PIK3R4: variants seen among roughly 807,000 people sequenced by gnomAD.
PIK3R4 encodes the protein phosphoinositide 3-kinase regulatory subunit 4.
In PIK3R4, 46 loss-of-function variants were observed where a neutral mutation model predicts 136.5. The observed-to-expected ratio is 0.34, with a 90% CI of 0.27 to 0.43. The LOEUF is 0.43. Among genes scored for constraint, PIK3R4 ranks in the 20% least tolerant of loss-of-function variants. The pLI, the probability that PIK3R4 is intolerant of heterozygous loss-of-function variation, is 1.00. For synonymous variants in PIK3R4, 557 were observed against 566.7 expected (o/e 0.98, Z 0.24); for missense variants, 1,331 against 1,649.5 (o/e 0.81, Z 3.35).
At position 130,733,562 on chromosome 3, in the gene PIK3R4, C is replaced by T; in HGVS notation, c.1436G>A (p.Arg479Lys). Residue 479 changes from arginine (R) to lysine (K), a missense_variant, in exon 4 of 20, where the codon AGA (arginine) becomes AAA (lysine). Physicochemically the swap from Arg to Lys is conservative, Grantham distance 26. Transcript: ENST00000356763. The part of the protein sequence containing the change: ...HLAQDDATIV[R>K]LAYAENIALL... The stretch of plus-strand genomic sequence containing the variant: ...TAAACTCTTACCAGCATAGGCTAGT[C>T]TAACGATAGTAGCATCATCTTGGGC... 6.2e-7 allele frequency: 1 copy of T among 1,610,400 alleles called. No individual in the cohort carries two copies. Among genetic ancestry groups the T allele is most frequent in the Non-Finnish European group, 8.5e-7 (1 of 1,176,628 alleles).
intron 13 of PIK3R4, among the ~76,000 whole-genome samples, chr3:130,702,325 CA>C (rs903013413): frequency 2.1e-4 from 32 of 149,860 alleles, no homozygotes; most frequent in African/African-American, 2.9e-4. Context: ...AAATGTTGAC[CA>C]AAAAAAAATT....
intron 13 of PIK3R4, among the ~76,000 whole-genome samples, chr3:130,701,236 G>A (rs2066572345): frequency 6.6e-6 from 1 of 152,138 alleles, no homozygotes; most frequent in Non-Finnish European, 1.5e-5. Flanking sequence ...AATGGGCTGG[G>A]TGCGGTGGCT....
At chr3:130,719,456 A>C (rs547025605) in intron 7 of PIK3R4, among the ~76,000 whole-genome samples, 1 of 152,286 alleles carries the variant, frequency 6.6e-6, no homozygotes, top group South Asian at 2.1e-4. Context: ...GGGGAAGGAG[A>C]AAAGATGCGT....
At chr3:130,698,056 C>T (rs373453402) in intron 13 of PIK3R4, among the ~76,000 whole-genome samples, 133 of 152,354 alleles carry the variant, frequency 8.7e-4, no homozygotes, top group African/African-American at 2.8e-3. Context: ...TCTATCATTT[C>T]TGACTTAAAA....
chr3:130,710,243 T>C (rs2066626712), intron 9 of PIK3R4, among the ~76,000 whole-genome samples: 1 of 152,020 alleles, frequency 6.6e-6, no homozygotes, highest in South Asian at 2.1e-4. Context: ...AGATACAATA[T>C]GACAAAGCTG....
intron 2 of PIK3R4, among the ~76,000 whole-genome samples, chr3:130,743,152 T>G (rs186170097): frequency 2.0e-5 from 3 of 152,150 alleles, no homozygotes; most frequent in African/African-American, 7.2e-5. Context: ...AGTTCATGCC[T>G]GTAATCCCAA....
Position 130,733,721 on chromosome 3 carries a change from C to A in PIK3R4, c.1277G>T (p.Ser426Ile). Residue 426 changes from serine to isoleucine, a missense_variant, in exon 4 of 20, where the codon AGC (serine) becomes ATC (isoleucine). Physicochemically the swap from Ser to Ile is moderately radical, Grantham distance 142. Around this residue, in one of 2 missense-constraint regions of PIK3R4, gnomAD observed 1,180 missense variants for 1,407.0 expected, o/e 0.84. Coordinates refer to ENST00000356763, the MANE Select transcript of PIK3R4 (RefSeq NM_014602.3). ...CCTCACCCTAGGAACAGAGTCATTG[C>A]TGAAATGCAAAAGATATGGAGTAAT... The part of the protein sequence containing the change: ...DRITPYLLHF[S>I]NDSVPRVRAE... 1.2e-6 allele frequency: 2 copies of A among 1,614,180 alleles called. No homozygotes were observed. The highest frequency in any genetic ancestry group is 1.7e-6 in the Non-Finnish European group (2 of 1,180,014).
intron 14 of PIK3R4, 39 bp from the exon 15 acceptor site, chr3:130,686,461 G>A: frequency 8.1e-7 from 1 of 1,234,458 alleles, no homozygotes; most frequent in Non-Finnish European, 1.2e-6. Context: ...TCCAGTCACT[G>A]AAAACATAGC....
Position 130,707,059 on chromosome 3 carries a change from G to A in PIK3R4, c.2610C>T (p.Asn870=). 6.2e-7 allele frequency: 1 copy of A among 1,612,576 alleles called. No homozygotes were observed. The highest frequency in any genetic ancestry group is 1.1e-5 in the South Asian group (1 of 90,782). Residue 870 remains asparagine (N), a synonymous_variant, in exon 11 of 20, where the codon AAC becomes AAT. Transcript: ENST00000356763. ...TCCCTTTAGGTAGGGCCTGTGGCAT[G>A]TTTGGTGGGTCCAGTGACCCAAACA... ...KSMFGSLDPP[N]MPQALPKGSD...
chr3:130,701,747 AAG>A (rs1369146237), intron 13 of PIK3R4, among the ~76,000 whole-genome samples: 2 of 152,092 alleles, frequency 1.3e-5, no homozygotes, highest in African/African-American at 4.8e-5. Context: ...AAGAAGAAAA[AAG>A]AGCTATAAAT....
At chr3:130,728,217 G>C (rs1177017745) in intron 6 of PIK3R4, among the ~76,000 whole-genome samples, 1 of 152,052 alleles carries the variant, frequency 6.6e-6, no homozygotes, top group Non-Finnish European at 1.5e-5. Flanking sequence ...TCATTATTCT[G>C]TCTAAATATA....
At chr3:130,716,640 A>G in intron 8 of PIK3R4, 41 bp from the exon 9 acceptor site, 1 of 1,177,714 alleles carries the variant, frequency 8.5e-7, no homozygotes, top group South Asian at 1.4e-5. Flanking sequence ...AAAATATAAC[A>G]TGTACAGTTA....
At chr3:130,691,277 C>T (rs1576451507) in intron 13 of PIK3R4, among the ~76,000 whole-genome samples, 1 of 152,176 alleles carries the variant, frequency 6.6e-6, no homozygotes, top group Admixed American at 6.5e-5. Flanking sequence ...ACTTCTACTA[C>T]CAACTACTTA....
rs2066454866 is a variant in PIK3R4, at chr3:130,680,973, G to A, written c.3797+4C>T. ...CATTTTATTAAAGTATTGAGATAGT[G>A]TACCTTATTTTCATATCTGAGCCAG... On this transcript the variant is annotated splice_donor_region_variant and intron_variant, in intron 18 of 19. Transcript: ENST00000356763. The A allele has an allele frequency of 1.4e-6, 2 of 1,410,642 alleles. No homozygotes were observed. Among genetic ancestry groups the A allele is most frequent in the Non-Finnish European group, 2.0e-6 (2 of 1,006,514 alleles). The allele number at this position is 1,410,642 out of a possible 1,614,324, so 87.4% of individuals were successfully genotyped here. A position where few individuals can be genotyped will look rare whatever the true frequency, so the allele number is the denominator to read the frequency against.
chr3:130,689,777 A>C (rs1376340508), intron 14 of PIK3R4, among the ~76,000 whole-genome samples: 1 of 152,114 alleles, frequency 6.6e-6, no homozygotes, highest in Non-Finnish European at 1.5e-5. Flanking sequence ...ACCACATTGC[A>C]CTGAAATTGT....
At chr3:130,697,062 G>GTTTTTTTTTTTTT (rs1559821992) in intron 13 of PIK3R4, among the ~76,000 whole-genome samples, 1 of 96,354 alleles carries the variant, frequency 1.0e-5, no homozygotes, top group African/African-American at 3.7e-5. Flanking sequence ...GGCCACTCCA[G>GTTTTTTTTTTTTT]CTTTTTTTTT....
intron 9 of PIK3R4, among the ~76,000 whole-genome samples, chr3:130,715,121 CTTTTTTT>C (rs1170237161): frequency 1.7e-5 from 2 of 119,914 alleles, no homozygotes; most frequent in African/African-American, 3.1e-5. Flanking sequence ...TTTTTCCCGA[CTTTTTTT>C]TTTTTTTTTT....
At chr3:130,710,409 CA>C (rs2066627273) in intron 9 of PIK3R4, among the ~76,000 whole-genome samples, 1 of 151,856 alleles carries the variant, frequency 6.6e-6, no homozygotes, top group African/African-American at 2.4e-5. Flanking sequence ...ATCTTAGCTC[CA>C]GAAAGAGGAT....
intron 19 of PIK3R4, 49 bp downstream of exon 19, chr3:130,680,564 G>A (rs772512321): frequency 2.1e-6 from 2 of 969,202 alleles, no homozygotes; most frequent in Non-Finnish European, 3.2e-6. Flanking sequence ...GTTTACAAAA[G>A]CCATGTTTGT....
Sources: allele counts gnomAD v4.1 joint callset (sites outside exome capture counted in the v4.1 genomes callset), GRCh38; gene constraint gnomAD v4.1.1; regional missense constraint gnomAD v4.1.1; transcripts MANE v1.5; gene names NCBI Gene and HGNC (gene_info 2026-07-23, HGNC 2026-07-21).